EPHA7: variants seen among roughly 807,000 people sequenced by gnomAD.
EPHA7 encodes the protein ephrin type-A receptor 7.
In EPHA7, 25 loss-of-function variants were observed where a neutral mutation model predicts 112.6. The observed-to-expected ratio is 0.22, with a 90% CI of 0.16 to 0.31. The LOEUF (loss-of-function observed/expected upper bound fraction) is 0.31. Among genes scored for constraint, EPHA7 ranks in the 10% least tolerant of loss-of-function variants. The probability of loss-of-function intolerance (pLI) is 1.00; values close to 1 mark genes in which losing one functional copy is unlikely to be tolerated. For synonymous variants in EPHA7, 437 were observed against 406.5 expected, an observed-to-expected ratio of 1.07 and a Z score of -0.90; for missense variants, 962 against 1,212.6, an observed-to-expected ratio of 0.79 and a Z score of 3.07.
chr6:93,277,285 A>G (rs1771514951), intron 5 of EPHA7, among the ~76,000 whole-genome samples: 1 of 152,078 alleles, frequency 6.6e-6, no homozygotes, highest in African/African-American at 2.4e-5. Flanking sequence ...ATAAAAATAC[A>G]TACAAATTTG....
At chr6:93,400,353 T>C (rs928814868) in intron 3 of EPHA7, among the ~76,000 whole-genome samples, 1 of 152,054 alleles carries the variant, frequency 6.6e-6, no homozygotes, top group African/African-American at 2.4e-5. Flanking sequence ...AAATATAGAA[T>C]TGCACAGTGA....
chr6:93,300,549 C>A (rs1383644631), intron 5 of EPHA7, among the ~76,000 whole-genome samples: 1 of 151,962 alleles, frequency 6.6e-6, no homozygotes, highest in East Asian at 1.9e-4. Context: ...TACATGAATA[C>A]AATAATAAAC....
At chr6:93,413,328 G>A (rs563008095) in intron 2 of EPHA7, among the ~76,000 whole-genome samples, 1 of 151,988 alleles carries the variant, frequency 6.6e-6, no homozygotes, top group Non-Finnish European at 1.5e-5. Context: ...ATGCCCATTT[G>A]AGTCCAAGAT....
chr6:93,355,048 G>C (rs1205249380), intron 5 of EPHA7, among the ~76,000 whole-genome samples: 1 of 151,922 alleles, frequency 6.6e-6, no homozygotes, highest in African/African-American at 2.4e-5. Flanking sequence ...GCAAAGTTAT[G>C]ACAACAAATT....
At chr6:93,340,999 C>G (rs922736210) in intron 5 of EPHA7, among the ~76,000 whole-genome samples, 39 of 151,972 alleles carry the variant, frequency 2.6e-4, no homozygotes, top group African/African-American at 9.2e-4. Flanking sequence ...ATAGGAATGA[C>G]AGTGGAAACT....
chr6:93,301,948 A>G (rs1049406561), intron 5 of EPHA7, among the ~76,000 whole-genome samples: 6 of 151,930 alleles, frequency 3.9e-5, no homozygotes. Context: ...ATCTTCTTCA[A>G]CGTTCCCTAT....
intron 3 of EPHA7, among the ~76,000 whole-genome samples, chr6:93,381,485 A>AT (rs1777331991): frequency 6.6e-6 from 1 of 152,130 alleles, no homozygotes; most frequent in Admixed American, 6.6e-5. Flanking sequence ...AAAAACTAGG[A>AT]TTTTTTGAGT....
intron 3 of EPHA7, among the ~76,000 whole-genome samples, chr6:93,406,643 A>ATGTGG (rs1189969445): frequency 1.3e-5 from 2 of 151,846 alleles, no homozygotes; most frequent in South Asian, 2.1e-4. Context: ...CATCTTAGTG[A>ATGTGG]TGTGGTGAGG....
chr6:93,375,230 T>G (rs1776993870), intron 3 of EPHA7, among the ~76,000 whole-genome samples: 1 of 152,146 alleles, frequency 6.6e-6, no homozygotes, highest in Non-Finnish European at 1.5e-5. Flanking sequence ...CCCTCCACTC[T>G]ATAATGGAAG....
chr6:93,389,203 C>G (rs1777780351), intron 3 of EPHA7, among the ~76,000 whole-genome samples: 1 of 152,038 alleles, frequency 6.6e-6, no homozygotes, highest in Non-Finnish European at 1.5e-5. Flanking sequence ...TGATATCTTA[C>G]CATGAGTTAG....
intron 2 of EPHA7, among the ~76,000 whole-genome samples, chr6:93,413,047 C>T (rs968065913): frequency 3.9e-5 from 6 of 151,930 alleles, no homozygotes; most frequent in Non-Finnish European, 8.8e-5. Context: ...GTTTTATTAT[C>T]TCACTTTCTA....
chr6:93,255,136 G>A (rs1049275762), intron 13 of EPHA7, among the ~76,000 whole-genome samples: 9 of 152,046 alleles, frequency 5.9e-5, no homozygotes, highest in African/African-American at 2.2e-4. Flanking sequence ...CTGAGGCCAG[G>A]AGTTCAAGAT....
At chr6:93,337,959 T>A (rs1774955516) in intron 5 of EPHA7, among the ~76,000 whole-genome samples, 2 of 145,480 alleles carry the variant, frequency 1.4e-5, no homozygotes, top group African/African-American at 2.6e-5. Context: ...TGGAGGGAGG[T>A]GAGGAAAAGA....
intron 3 of EPHA7, among the ~76,000 whole-genome samples, chr6:93,372,046 T>C (rs1243747551): frequency 2.0e-5 from 3 of 152,152 alleles, no homozygotes; most frequent in Non-Finnish European, 4.4e-5. Flanking sequence ...CCCTTTTGGG[T>C]AAATGTTCAA....
intron 3 of EPHA7, among the ~76,000 whole-genome samples, chr6:93,365,853 G>A (rs1776480643): frequency 6.6e-6 from 1 of 151,964 alleles, no homozygotes; most frequent in African/African-American, 2.4e-5. Context: ...TCATTTCAAG[G>A]CATTTTACGT....
intron 5 of EPHA7, among the ~76,000 whole-genome samples, chr6:93,326,157 A>G (rs1265400834): frequency 6.6e-6 from 1 of 151,414 alleles, no homozygotes; most frequent in East Asian, 1.9e-4. Flanking sequence ...TAATAGTGGG[A>G]AGTAAAAAGG....
intron 3 of EPHA7, among the ~76,000 whole-genome samples, chr6:93,397,720 G>C (rs779334628): frequency 6.6e-6 from 1 of 151,716 alleles, no homozygotes; most frequent in Non-Finnish European, 1.5e-5. Context: ...GTGCCCTTTA[G>C]GTTTATATGA....
At chr6:93,251,629 C>T (rs1423272303) in intron 14 of EPHA7, among the ~76,000 whole-genome samples, 2 of 121,322 alleles carry the variant, frequency 1.6e-5, no homozygotes, top group Admixed American at 1.7e-4. Flanking sequence ...GAAAAAAAAT[C>T]TATATAGTAA....
rs1582372834 is a variant in EPHA7 at position 93,240,327 on chromosome 6, C to T, written c.*3099G>A. 1 of 226,374 alleles carries T rather than the reference C, an allele frequency of 4.4e-6. No homozygotes were observed. Among genetic ancestry groups the T allele is most frequent in the East Asian group, 6.4e-5 (1 of 15,692 alleles). 14.0% of individuals were successfully genotyped at this position (226,374 alleles called of 1,614,324 possible). ...GCATAGTTCTAGGCTACTCAAGAAA[C>T]AAAAGGGAGAATATCAGCATTACCT... is the stretch of plus-strand genomic sequence containing the variant. On this transcript the variant is annotated 3_prime_UTR_variant, in exon 17 of 17. Coordinates refer to ENST00000369303, the MANE Select transcript of EPHA7 (RefSeq NM_004440.4).
Sources: gnomAD v4.1 joint callset for allele counts (sites outside exome capture counted in the v4.1 genomes callset) on GRCh38, gnomAD v4.1.1 for gene constraint, MANE v1.5 for transcripts, NCBI Gene and HGNC (gene_info 2026-07-23, HGNC 2026-07-21) for gene names.